The following MACROD2 variants were observed in gnomAD, a reference collection of about 807,000 sequenced individuals.
The protein encoded by MACROD2 is mono-ADP ribosylhydrolase 2.
In MACROD2, 36 loss-of-function variants were observed where a neutral mutation model predicts 70.4. That is an observed-to-expected ratio of 0.51 (90% confidence interval 0.39 to 0.68). MACROD2 has a LOEUF of 0.68. Ranked by LOEUF, MACROD2 falls within the 30% of genes least tolerant of loss-of-function variation. The pLI is 0.00. For synonymous variants in MACROD2, 172 were observed against 178.8 expected, an observed-to-expected ratio of 0.96 and a Z score of 0.30; for missense variants, 496 against 538.4, an observed-to-expected ratio of 0.92 and a Z score of 0.78.
intron 10 of MACROD2, among the ~76,000 whole-genome samples, chr20:15,907,266 T>C (rs919383874): frequency 6.6e-5 from 10 of 152,302 alleles, no homozygotes; most frequent in African/African-American, 2.4e-4. Context: ...ATCTTGATGG[T>C]TCAATGTGGG....
intron 6 of MACROD2, among the ~76,000 whole-genome samples, chr20:15,368,782 T>A (rs1036413096): frequency 1.8e-4 from 28 of 152,260 alleles, no homozygotes; most frequent in Non-Finnish European, 3.7e-4. Context: ...ACTTTTTTTT[T>A]AATAGAGATA....
chr20:15,786,027 C>T (rs1342458303), intron 8 of MACROD2, among the ~76,000 whole-genome samples: 1 of 151,552 alleles, frequency 6.6e-6, no homozygotes, highest in Non-Finnish European at 1.5e-5. Flanking sequence ...AGAATAGATA[C>T]AAGGGTTCAA....
intron 5 of MACROD2, among the ~76,000 whole-genome samples, chr20:14,838,673 G>A (rs1374502131): frequency 2.0e-5 from 3 of 152,126 alleles, no homozygotes. Context: ...TGATAAAGCT[G>A]TTTCACATCT....
intron 8 of MACROD2, among the ~76,000 whole-genome samples, chr20:15,566,956 TAAAC>T (rs1027767656): frequency 2.2e-4 from 34 of 152,314 alleles, no homozygotes; most frequent in African/African-American, 8.2e-4. Context: ...CATACTGAAA[TAAAC>T]AAATAAAAAT....
chr20:15,086,126 A>G (rs1001269884), intron 5 of MACROD2, among the ~76,000 whole-genome samples: 1 of 152,132 alleles, frequency 6.6e-6, no homozygotes, highest in South Asian at 2.1e-4. Context: ...ATTCTGATGC[A>G]TGTTAACATC....
At chr20:15,824,508 T>A (rs1052430905) in intron 8 of MACROD2, among the ~76,000 whole-genome samples, 2 of 152,158 alleles carry the variant, frequency 1.3e-5, no homozygotes, top group Non-Finnish European at 2.9e-5. Flanking sequence ...AAGCAAAGTA[T>A]TTTTTCTTCA....
intron 4 of MACROD2, among the ~76,000 whole-genome samples, chr20:14,576,878 CA>C (rs2123334602): frequency 6.6e-6 from 1 of 152,278 alleles, no homozygotes; most frequent in Admixed American, 6.5e-5. Flanking sequence ...AAAGTAATTA[CA>C]GGATTTATTT....
At position 15,454,381 on chromosome 20, in the gene MACROD2, A is replaced by G. The variant is rs187313333; in HGVS notation, c.571+22946A>G. ...CTCTCATGTTCCCCTAACAAATGCT[A>G]TATCCCTCTCATTTGACATATTCAA... On this transcript the variant is annotated intron_variant, in intron 7 of 17. Coordinates refer to ENST00000684519, the MANE Select transcript of MACROD2 (RefSeq NM_001351661.2). Among the ~76,000 whole-genome samples, 64 of 149,348 alleles carry G rather than the reference A, an allele frequency of 4.3e-4. 1 individual carries two copies. The highest frequency in any genetic ancestry group is 1.9e-3 in the Admixed American group (28 of 14,982).
chr20:14,480,241 A>T (rs577172821), intron 3 of MACROD2, among the ~76,000 whole-genome samples: 5 of 152,218 alleles, frequency 3.3e-5, no homozygotes, highest in Non-Finnish European at 7.3e-5. Flanking sequence ...CAGAACAGCC[A>T]CAAACAGTGA....
chr20:16,001,450 G>T (rs1286779381), intron 15 of MACROD2, among the ~76,000 whole-genome samples: 1 of 152,192 alleles, frequency 6.6e-6, no homozygotes, highest in Non-Finnish European at 1.5e-5. Flanking sequence ...TTATTTCATT[G>T]TGAAACTTCA....
chr20:14,096,656 C>A (rs892147529), intron 3 of MACROD2, among the ~76,000 whole-genome samples: 1 of 152,106 alleles, frequency 6.6e-6, no homozygotes, highest in African/African-American at 2.4e-5. Flanking sequence ...AGCTACTGCA[C>A]CTGGCTAGTT....
intron 4 of MACROD2, among the ~76,000 whole-genome samples, chr20:14,633,324 G>A (rs1020137781): frequency 2.0e-5 from 3 of 152,062 alleles, no homozygotes; most frequent in African/African-American, 4.8e-5. Flanking sequence ...TTCCACAGAC[G>A]GTAACATTTA....
intron 5 of MACROD2, among the ~76,000 whole-genome samples, chr20:15,199,580 T>C (rs1314153103): frequency 6.6e-6 from 1 of 152,080 alleles, no homozygotes; most frequent in Non-Finnish European, 1.5e-5. Flanking sequence ...GACTTTGTTA[T>C]AATTGTTACT....
intron 15 of MACROD2, among the ~76,000 whole-genome samples, chr20:15,999,172 T>G (rs2066675216): frequency 6.6e-6 from 1 of 152,148 alleles, no homozygotes; most frequent in South Asian, 2.1e-4. Context: ...ATCTTGTAAG[T>G]TTTGTTATAT....
chr20:14,193,393 A>C (rs1197134053), intron 3 of MACROD2, among the ~76,000 whole-genome samples: 1 of 152,200 alleles, frequency 6.6e-6, no homozygotes, highest in Non-Finnish European at 1.5e-5. Context: ...AAAACAGTAG[A>C]TGTCCACTAT....
intron 4 of MACROD2, among the ~76,000 whole-genome samples, chr20:14,556,329 A>G (rs6079488): frequency 0.16 from 24,313 of 152,030 alleles, 2,389 homozygotes; most frequent in East Asian, 0.39. Context: ...TCAAAAGAAG[A>G]GGGTGAACTG....
intron 6 of MACROD2, among the ~76,000 whole-genome samples, chr20:15,416,911 AAAG>A (rs1253297515): frequency 6.6e-6 from 1 of 152,238 alleles, no homozygotes; most frequent in African/African-American, 2.4e-5. Context: ...TCAAAAAAAA[AAAG>A]AAGTGGCTGT....
At chr20:15,060,963 TG>T (rs973650920) in intron 5 of MACROD2, among the ~76,000 whole-genome samples, 2 of 152,140 alleles carry the variant, frequency 1.3e-5, no homozygotes, top group African/African-American at 4.8e-5. Context: ...TTAACTTGTG[TG>T]GGGGTGTTGC....
intron 5 of MACROD2, chr20:14,757,651 G>T: frequency 8.0e-7 from 1 of 1,256,888 alleles, no homozygotes; most frequent in Non-Finnish European, 1.2e-6. Flanking sequence ...ACATGCCTAA[G>T]CACCTGGAGC....
Sources: gnomAD v4.1 joint callset for allele counts (sites outside exome capture counted in the v4.1 genomes callset) on GRCh38, gnomAD v4.1.1 for gene constraint, MANE v1.5 for transcripts, NCBI Gene and HGNC (gene_info 2026-07-23, HGNC 2026-07-21) for gene names.